The following SYT7 variants were observed in gnomAD, a reference collection of about 807,000 sequenced individuals.
SYT7 encodes synaptotagmin 7, also known as synaptotagmin-7.
In SYT7, 29 loss-of-function variants were observed where a neutral mutation model predicts 75.1. That is an observed-to-expected ratio of 0.39 (90% CI 0.29 to 0.53). The LOEUF (loss-of-function observed/expected upper bound fraction) is 0.53. Among genes scored for constraint, SYT7 ranks in the 20% least tolerant of loss-of-function variants. The pLI is 0.77. For synonymous variants in SYT7, 376 were observed against 401.7 expected, an observed-to-expected ratio of 0.94 and a Z score of 0.76; for missense variants, 693 against 953.2, an observed-to-expected ratio of 0.73 and a Z score of 3.59.
At chr11:61,532,901 T>G in intron 8 of SYT7, 88 bp downstream of exon 8, 1 of 1,554,444 alleles carries the variant, frequency 6.4e-7, no homozygotes, top group Non-Finnish European at 8.7e-7. Context: ...TCCCATGCTG[T>G]TAATCATTCC....
At chr11:61,571,976 A>G (rs2135430317) in intron 1 of SYT7, among the ~76,000 whole-genome samples, 1 of 152,202 alleles carries the variant, frequency 6.6e-6, no homozygotes, top group Admixed American at 6.5e-5. Context: ...TCACCACCCT[A>G]TCCCCGGTCC....
At chr11:61,520,233 G>A (rs866889672) in intron 12 of SYT7, among the ~76,000 whole-genome samples, 1 of 151,456 alleles carries the variant, frequency 6.6e-6, no homozygotes, top group African/African-American at 2.4e-5. Context: ...GGATGGTTGT[G>A]GCCTCAGTGG....
chr11:61,523,233 C>A lies in SYT7; in HGVS notation c.1798G>T (p.Val600Leu), dbSNP rs1171594017. Residue 600 changes from valine to leucine, a missense_variant, in exon 12 of 13, where the codon GTG becomes TTG. By Grantham distance (32) the Val-to-Leu change is conservative. This residue lies in a region of SYT7 where 206 missense variants were observed against 360.0 expected (regional missense o/e 0.57). Coordinates refer to ENST00000539008, the MANE Select transcript of SYT7 (RefSeq NM_001365809.2). This position sits in a 1 kb window ranked among gnomAD's most constrained non-coding sequence, Gnocchi z 5.0. ...KVWLMYKDKRVEKKKTVTMKR... is the reference protein window; with the variant it reads ...KVWLMYKDKRLEKKKTVTMKR... The stretch of plus-strand genomic sequence containing the variant: ...ATCGTCACCGTCTTCTTCTTCTCCA[C>A]CCGCTTGTCCTTGTACATCAGCCAT... The A allele has an allele frequency of 6.2e-7, 1 of 1,614,174 alleles. No individual in the cohort carries two copies. Among genetic ancestry groups the A allele is most frequent in the East Asian group, 2.2e-5 (1 of 44,872 alleles).
At chr11:61,572,791 G>A (rs976277391) in intron 1 of SYT7, among the ~76,000 whole-genome samples, 1 of 152,102 alleles carries the variant, frequency 6.6e-6, no homozygotes, top group Non-Finnish European at 1.5e-5. Context: ...TCATCCTGGC[G>A]TCAGGGCCCT....
chr11:61,566,957 T>C (rs562980514), intron 1 of SYT7, among the ~76,000 whole-genome samples: 1 of 152,232 alleles, frequency 6.6e-6, no homozygotes, highest in African/African-American at 2.4e-5. Context: ...CTTGGAGCCG[T>C]GAAGGCCACC....
At chr11:61,579,322 G>A (rs1308455459) in intron 1 of SYT7, among the ~76,000 whole-genome samples, 2 of 152,236 alleles carry the variant, frequency 1.3e-5, no homozygotes, top group Non-Finnish European at 2.9e-5. Context: ...CGACGAAGAT[G>A]CCAGGGTAGG....
At chr11:61,557,475 C>T (rs1209953302) in intron 1 of SYT7, among the ~76,000 whole-genome samples, 1 of 152,204 alleles carries the variant, frequency 6.6e-6, no homozygotes, top group African/African-American at 2.4e-5. Context: ...GGATGACTCT[C>T]ATCAGCTCTC....
In SYT7 at chr11:61,571,234, G is replaced by A. The variant is rs545346793; in HGVS notation, c.31+9556C>T. Reference sequence around the variant, plus strand: ...CCTCTGCACAGACACACCTACCATCGTGTTTCCACATGGGAAGCACACACA... The same window carrying A: ...CCTCTGCACAGACACACCTACCATCATGTTTCCACATGGGAAGCACACACA... On this transcript the variant is annotated intron_variant, in intron 1 of 12. Coordinates refer to ENST00000539008, the MANE Select transcript of SYT7 (RefSeq NM_001365809.2). 4.6e-5 allele frequency among the ~76,000 whole-genome samples: 7 copies of A among 152,266 alleles called. No individual in the cohort carries two copies. In the South Asian group the frequency reaches 8.3e-4, roughly 18 times the overall value.
At chr11:61,586,608 T>C in the SYT7 span, among the ~76,000 whole-genome samples, 1 of 152,350 alleles carries the variant, frequency 6.6e-6, no homozygotes, top group African/African-American at 2.4e-5. Context: ...AAAGTGCATA[T>C]ACAAACACAG....
At chr11:61,577,420 G>A (rs2064114410) in intron 1 of SYT7, among the ~76,000 whole-genome samples, 1 of 152,196 alleles carries the variant, frequency 6.6e-6, no homozygotes, top group South Asian at 2.1e-4. Context: ...TGAAATGGGT[G>A]GACACAGTCA....
intron 7 of SYT7, among the ~76,000 whole-genome samples, chr11:61,534,610 C>T (rs114915560): frequency 0.036 from 5,520 of 152,252 alleles, 304 homozygotes; most frequent in African/African-American, 0.12. Context: ...AGGAGATGCA[C>T]TGGGGAGACC....
chr11:61,514,512 T>C lies in SYT7; in HGVS notation c.*4115A>G, dbSNP rs2062109322. Among the ~76,000 whole-genome samples the C allele has an allele frequency of 2.0e-5, 3 of 152,170 alleles. No individual in the cohort carries two copies. The highest frequency in any genetic ancestry group is 4.8e-5 in the African/African-American group (2 of 41,424). The stretch of plus-strand genomic sequence containing the variant: ...CACATGACAATGGGGATGTGCTCGT[T>C]CCTTTTGTGCCTGTGTCTGAACCAG... On this transcript the variant is annotated 3_prime_UTR_variant, in exon 13 of 13. Transcript: ENST00000539008.
intron 1 of SYT7, among the ~76,000 whole-genome samples, chr11:61,578,329 G>T (rs1358361507): frequency 6.6e-6 from 1 of 152,092 alleles, no homozygotes; most frequent in Non-Finnish European, 1.5e-5. Context: ...GGATCTTCTG[G>T]AACCAGCATG....
chr11:61,540,594 T>C (rs2063012293), intron 6 of SYT7: 1 of 985,520 alleles, frequency 1.0e-6, no homozygotes, highest in Non-Finnish European at 1.2e-6. Flanking sequence ...GAGGATGCTG[T>C]TGCATGCATG....
Position 61,561,026 on chromosome 11 carries a change from A to G in SYT7, c.32-4819T>C, listed in dbSNP as rs923458145. On this transcript the variant is annotated intron_variant, in intron 1 of 12. Coordinates refer to ENST00000539008, the MANE Select transcript of SYT7 (RefSeq NM_001365809.2). Reference sequence around the variant, plus strand: ...GACAGGCCTCCAAATCCTTGCCGACAGTTCTAATGTCCCCTTCAAGTCTTC... The same window carrying G: ...GACAGGCCTCCAAATCCTTGCCGACGGTTCTAATGTCCCCTTCAAGTCTTC... Among the ~76,000 whole-genome samples, 9 of 152,332 alleles carry G rather than the reference A, an allele frequency of 5.9e-5. No individual in the cohort carries two copies. The East Asian group carries it at 1.5e-3, about 26-fold the overall frequency.
intron 1 of SYT7, 121 bp from the exon 2 acceptor site, chr11:61,556,328 A>T: frequency 1.4e-6 from 1 of 740,286 alleles, no homozygotes; most frequent in East Asian, 2.8e-5. Context: ...GGAGCTCTGA[A>T]CCCAGGTTCT....
chr11:61,587,803 G>C, the SYT7 span, among the ~76,000 whole-genome samples: 1 of 152,258 alleles, frequency 6.6e-6, no homozygotes, highest in African/African-American at 2.4e-5. Flanking sequence ...ATCCGGCCCG[G>C]GGCAGAGATG....
At chr11:61,535,255 G>C (rs2062836194) in intron 7 of SYT7, among the ~76,000 whole-genome samples, 1 of 152,220 alleles carries the variant, frequency 6.6e-6, no homozygotes, top group Admixed American at 6.5e-5. Flanking sequence ...GGGTGGACGA[G>C]GGGACAGGGA....
chr11:61,532,849 G>A, intron 8 of SYT7, 140 bp downstream of exon 8: 1 of 1,283,398 alleles, frequency 7.8e-7, no homozygotes, highest in Non-Finnish European at 1.0e-6. Context: ...TGCTGGGCCT[G>A]GCTCTCCAGG....
Sources: gnomAD v4.1 joint callset for allele counts (sites outside exome capture counted in the v4.1 genomes callset) on GRCh38, gnomAD v4.1.1 for gene constraint, gnomAD v4.1.1 regional missense constraint, Gnocchi (gnomAD v3.1) non-coding constraint, MANE v1.5 for transcripts, NCBI Gene and HGNC (gene_info 2026-07-23, HGNC 2026-07-21) for gene names.